OR2L13: variants seen among roughly 807,000 people sequenced by gnomAD.
The protein encoded by OR2L13 is olfactory receptor family 2 subfamily L member 13, also known as olfactory receptor 2L13.
OR2L13 carries 14 observed loss-of-function variants against 15.3 expected under a neutral mutation model. The ratio of observed to expected loss-of-function variants is 0.91; its 90% CI spans 0.60 to 1.43. OR2L13 has a LOEUF of 1.43. Ranked by LOEUF, OR2L13 falls within the 40% of genes most tolerant of loss-of-function variation. OR2L13 has a pLI of 0.00. For missense variants in OR2L13, 367 were observed against 387.9 expected, an observed-to-expected ratio of 0.95 and a Z score of 0.45; for synonymous variants, 152 against 142.9, an observed-to-expected ratio of 1.06 and a Z score of -0.45.
At chr1:248,018,779 G>T in the OR2L13 span, among the ~76,000 whole-genome samples, 1 of 152,100 alleles carries the variant, frequency 6.6e-6, no homozygotes, top group Non-Finnish European at 1.5e-5. Context: ...AACTAAAATT[G>T]TGTTCTCCAC....
At chr1:247,993,053 T>A in the OR2L13 span, among the ~76,000 whole-genome samples, 1 of 152,174 alleles carries the variant, frequency 6.6e-6, no homozygotes, top group East Asian at 1.9e-4. Context: ...TTTGATTTTT[T>A]AATTATAGCC....
At chr1:247,959,906 A>G in the OR2L13 span, among the ~76,000 whole-genome samples, 1 of 148,568 alleles carries the variant, frequency 6.7e-6, no homozygotes, top group Non-Finnish European at 1.5e-5. Flanking sequence ...TTTAGCTCAG[A>G]GTAGTTTGAT....
chr1:248,092,708 C>T (rs902485541), upstream of OR2L13, among the ~76,000 whole-genome samples: 1 of 152,194 alleles, frequency 6.6e-6, no homozygotes, highest in Non-Finnish European at 1.5e-5. Context: ...TCATTATAAG[C>T]TCCCAGGCTT....
At chr1:247,975,799 A>T in the OR2L13 span, 2 of 374,346 alleles carry the variant, frequency 5.3e-6, no homozygotes, top group Non-Finnish European at 9.5e-6. Flanking sequence ...GAGTCTTGAC[A>T]TTATAATTGC....
chr1:247,977,059 A>G, the OR2L13 span, among the ~76,000 whole-genome samples: 11 of 152,314 alleles, frequency 7.2e-5, no homozygotes, highest in African/African-American at 2.6e-4. Context: ...TCTAATAATA[A>G]CATGTGTCAT....
the OR2L13 span, among the ~76,000 whole-genome samples, chr1:247,989,953 A>G: frequency 1.3e-5 from 2 of 152,218 alleles, no homozygotes; most frequent in African/African-American, 2.4e-5. Context: ...CAGAAGAAAA[A>G]TAAACACCGT....
chr1:248,033,542 C>A, the OR2L13 span, among the ~76,000 whole-genome samples: 1 of 151,728 alleles, frequency 6.6e-6, no homozygotes, highest in Non-Finnish European at 1.5e-5. Flanking sequence ...GCTCAAGCAA[C>A]CCTCCCATCT....
At chr1:248,048,921 C>G in the OR2L13 span, among the ~76,000 whole-genome samples, 1 of 141,958 alleles carries the variant, frequency 7.0e-6, no homozygotes, top group Non-Finnish European at 1.5e-5. Flanking sequence ...TTTTCTCTCT[C>G]TCTTTTTTTT....
At chr1:248,060,810 C>G in the OR2L13 span, 1 of 1,614,040 alleles carries the variant, frequency 6.2e-7, no homozygotes, top group Non-Finnish European at 8.5e-7. Flanking sequence ...GAAACCTATC[C>G]ATGATTCTTC....
chr1:248,017,485 C>G, the OR2L13 span, among the ~76,000 whole-genome samples: 1 of 152,194 alleles, frequency 6.6e-6, no homozygotes, highest in Non-Finnish European at 1.5e-5. Context: ...TCACCACTTG[C>G]AAAGTCATGT....
chr1:248,013,273 A>C, the OR2L13 span, among the ~76,000 whole-genome samples: 3 of 152,296 alleles, frequency 2.0e-5, no homozygotes, highest in African/African-American at 7.2e-5. Flanking sequence ...GTGAATAACA[A>C]CATAAAAAGT....
At chr1:248,032,113 G>T in the OR2L13 span, among the ~76,000 whole-genome samples, 1 of 152,006 alleles carries the variant, frequency 6.6e-6, no homozygotes, top group Non-Finnish European at 1.5e-5. Flanking sequence ...ATCACATATT[G>T]TTTCCAAATG....
the OR2L13 span, among the ~76,000 whole-genome samples, chr1:247,941,041 T>C: frequency 6.6e-6 from 1 of 152,176 alleles, no homozygotes; most frequent in Non-Finnish European, 1.5e-5. Flanking sequence ...TGGCCACTTG[T>C]ATGTCTTCTT....
chr1:248,026,706 T>TA, the OR2L13 span, among the ~76,000 whole-genome samples: 9 of 152,226 alleles, frequency 5.9e-5, no homozygotes, highest in Non-Finnish European at 1.3e-4. Flanking sequence ...TATAATTTCT[T>TA]ACCCCTGTCT....
the OR2L13 span, chr1:248,062,635 A>G: frequency 6.6e-6 from 1 of 152,214 alleles, no homozygotes; most frequent in Non-Finnish European, 1.5e-5. Context: ...ATTAGATAGA[A>G]TGAATAAGAG....
At chr1:248,083,761 A>T in the OR2L13 span, 5 of 1,614,046 alleles carry the variant, frequency 3.1e-6, no homozygotes, top group Admixed American at 8.3e-5. Flanking sequence ...AAAGGGGTGA[A>T]CATACTATAG....
At chr1:248,003,218 A>G in the OR2L13 span, 5 of 1,524,672 alleles carry the variant, frequency 3.3e-6, no homozygotes, top group Admixed American at 6.7e-5. Context: ...CTTCATCCTC[A>G]TTGTTTTCAT....
At chr1:247,953,288 T>A in the OR2L13 span, among the ~76,000 whole-genome samples, 2 of 152,322 alleles carry the variant, frequency 1.3e-5, no homozygotes, top group East Asian at 3.9e-4. Context: ...TGTTATGCTG[T>A]GGTTATTATT....
the OR2L13 span, chr1:248,038,915 C>T: frequency 6.2e-7 from 1 of 1,614,016 alleles, no homozygotes; most frequent in African/African-American, 1.3e-5. Context: ...TTGCATGTTC[C>T]TATGGCCGGG....
Sources: allele counts gnomAD v4.1 joint callset (sites outside exome capture counted in the v4.1 genomes callset), GRCh38; gene constraint gnomAD v4.1.1; transcripts MANE v1.5; gene names NCBI Gene and HGNC (gene_info 2026-07-23, HGNC 2026-07-21).